Variants in HMGXB3 observed in about 807,000 individuals in gnomAD.
HMGXB3 encodes HMG-box containing 3.
Under a neutral mutation model 121.5 loss-of-function variants are expected in HMGXB3, and 45 were observed. The observed-to-expected ratio is 0.37, with a 90% CI of 0.29 to 0.47. The LOEUF is 0.47. Ranked by LOEUF, HMGXB3 falls within the 20% of genes least tolerant of loss-of-function variation. The pLI is 0.99. For missense variants in HMGXB3, 1,376 were observed against 1,602.2 expected, an observed-to-expected ratio of 0.86 and a Z score of 2.41; for synonymous variants, 590 against 624.1, an observed-to-expected ratio of 0.95 and a Z score of 0.81.
Position 150,026,698 on chromosome 5 carries a change from C to A in HMGXB3, c.1461-8C>A, listed in dbSNP as rs1053720945. Reference sequence around the variant, plus strand: ...GAATTTCCAGATTTCTCTTCTTATTCTTTTCAGAGCTGACCTGCTTACCCC... The same window carrying A: ...GAATTTCCAGATTTCTCTTCTTATTATTTTCAGAGCTGACCTGCTTACCCC... On this transcript the variant is annotated splice_polypyrimidine_tract_variant and splice_region_variant and intron_variant, in intron 7 of 19. Coordinates refer to ENST00000502717, the MANE Select transcript of HMGXB3 (RefSeq NM_014983.3). 2 of 1,544,630 alleles carry A rather than the reference C, an allele frequency of 1.3e-6. No homozygotes were observed. Among genetic ancestry groups the A allele is most frequent in the Admixed American group, 4.1e-5 (2 of 48,728 alleles).
intron 15 of HMGXB3, among the ~76,000 whole-genome samples, chr5:150,044,128 A>C (rs1032949018): frequency 6.6e-6 from 1 of 152,140 alleles, no homozygotes; most frequent in South Asian, 2.1e-4. Context: ...TACTTCTTTC[A>C]TAGAGGTACT....
intron 5 of HMGXB3, among the ~76,000 whole-genome samples, chr5:150,015,993 T>C (rs191901570): frequency 2.5e-4 from 38 of 152,342 alleles, no homozygotes; most frequent in African/African-American, 8.4e-4. Flanking sequence ...AGTTGATTGA[T>C]AACGTTCAAC....
intron 9 of HMGXB3, among the ~76,000 whole-genome samples, chr5:150,029,512 G>A (rs1756323149): frequency 6.6e-6 from 1 of 151,948 alleles, no homozygotes. Flanking sequence ...TCAGTAACAG[G>A]CATATTTTTT....
Position 150,036,948 on chromosome 5 carries a change from C to G in HMGXB3, c.2285+11C>G. On this transcript the variant is annotated intron_variant, in intron 12 of 19. Transcript: ENST00000502717. ...CAAAGGGGGACAAAAGTAAGCACCC[C>G]TTAACTCTGCCCCTAGCTACCCCAT... The G allele has an allele frequency of 6.5e-7, 1 of 1,543,144 alleles. No homozygotes were observed. Among genetic ancestry groups the G allele is most frequent in the Non-Finnish European group, 8.8e-7 (1 of 1,142,450 alleles).
In HMGXB3 at chr5:150,000,939, C is replaced by A. The variant is rs1755545334; in HGVS notation, c.-243C>A. On this transcript the variant is annotated 5_prime_UTR_variant, in exon 1 of 20. Coordinates refer to ENST00000502717, the MANE Select transcript of HMGXB3 (RefSeq NM_014983.3). ...ATATCGCGACTCCGAGGAGGGGAAG[C>A]GAGAGGGGCTGTCGCGACTCCGCGC... 1 of 154,828 alleles carries A rather than the reference C, an allele frequency of 6.5e-6. No homozygotes were observed. The highest frequency in any genetic ancestry group is 2.0e-4 in the South Asian group (1 of 4,920). The allele number at this position is 154,828 out of a possible 1,614,324, so 9.6% of individuals were successfully genotyped here. A position where few individuals can be genotyped will look rare whatever the true frequency, so the allele number is the denominator to read the frequency against.
chr5:150,033,655 G>A (rs1756433154), intron 11 of HMGXB3, among the ~76,000 whole-genome samples: 1 of 152,164 alleles, frequency 6.6e-6, no homozygotes, highest in Admixed American at 6.5e-5. Context: ...TCTTTAGTCA[G>A]TGGGGTCCTA....
At chr5:150,037,205 G>C (rs1164216570) in intron 12 of HMGXB3, among the ~76,000 whole-genome samples, 195 bp from the exon 13 acceptor site, 1 of 152,156 alleles carries the variant, frequency 6.6e-6, no homozygotes. Context: ...ATTGGGATTG[G>C]TTAAATTATG....
intron 1 of HMGXB3, among the ~76,000 whole-genome samples, chr5:150,001,951 G>A (rs146728355): frequency 9.9e-4 from 151 of 152,280 alleles, no homozygotes; most frequent in African/African-American, 3.4e-3. Context: ...CAGTCCCCAC[G>A]TAGCCTTGAT....
intron 13 of HMGXB3, among the ~76,000 whole-genome samples, 185 bp from the exon 14 acceptor site, chr5:150,040,563 A>G (rs1210963334): frequency 2.6e-5 from 4 of 151,844 alleles, no homozygotes; most frequent in African/African-American, 4.8e-5. Context: ...TTTTTTTGAG[A>G]TGGAGTCTCT....
In HMGXB3 at chr5:150,052,140, C is replaced by T. The variant is rs1157417597; in HGVS notation, c.3827C>T (p.Thr1276Ile). 1.9e-6 allele frequency: 3 copies of T among 1,550,850 alleles called. No individual in the cohort carries two copies. Among genetic ancestry groups the T allele is most frequent in the Non-Finnish European group, 2.6e-6 (3 of 1,146,636 alleles). The change falls in exon 20 of 20, where the codon ACA becomes ATA. Residue 1276 changes from threonine (T) to isoleucine (I), a missense_variant. Physicochemically the swap from Thr to Ile is moderately conservative, Grantham distance 89 (BLOSUM62 -1). Transcript: ENST00000502717. ...CGCCTTGGGGTTGCTCAGATCAAGA[C>T]AGAGACAGAGGAGGAGGGTGAGGAA... ...LYRLGVAQIK[T>I]ETEEEGEEEE...
intron 11 of HMGXB3, among the ~76,000 whole-genome samples, chr5:150,033,097 C>G (rs1756419711): frequency 6.6e-6 from 1 of 152,204 alleles, no homozygotes. Context: ...TTGGGCCAAA[C>G]TACTTGGGTA....
At chr5:150,032,876 A>G (rs1283003367) in intron 11 of HMGXB3, among the ~76,000 whole-genome samples, 1 of 152,148 alleles carries the variant, frequency 6.6e-6, no homozygotes, top group Non-Finnish European at 1.5e-5. Context: ...GGCCTTAAGT[A>G]GGAGTGAAAG....
At chr5:150,030,122 G>A (rs1400330115) in intron 9 of HMGXB3, among the ~76,000 whole-genome samples, 7 of 144,412 alleles carry the variant, frequency 4.8e-5, no homozygotes, top group Non-Finnish European at 1.5e-5. Context: ...TTTTAATTTT[G>A]TATGCTTTAT....
chr5:150,041,372 A>G (rs1357371171), intron 14 of HMGXB3, among the ~76,000 whole-genome samples: 1 of 152,216 alleles, frequency 6.6e-6, no homozygotes, highest in East Asian at 1.9e-4. Flanking sequence ...AGTAGAGCCT[A>G]CTAGAGTTAC....
intron 10 of HMGXB3, among the ~76,000 whole-genome samples, chr5:150,032,025 T>C (rs767061872): frequency 5.3e-5 from 8 of 152,068 alleles, no homozygotes; most frequent in Non-Finnish European, 8.8e-5. Context: ...GCTGATTAGA[T>C]AGTAACTTGT....
chr5:150,025,943 G>GTT (rs1756220008), intron 7 of HMGXB3, among the ~76,000 whole-genome samples: 2 of 151,524 alleles, frequency 1.3e-5, no homozygotes. Context: ...CCATTCTCCT[G>GTT]CCTCAGCCTC....
chr5:150,017,011 C>G (rs1395259516), intron 5 of HMGXB3, among the ~76,000 whole-genome samples: 1 of 152,136 alleles, frequency 6.6e-6, no homozygotes, highest in Admixed American at 6.5e-5. Context: ...TAGGAACAGC[C>G]TGCAGCTTTG....
chr5:150,012,527 C>T (rs1755864470), intron 5 of HMGXB3, among the ~76,000 whole-genome samples, 174 bp downstream of exon 5: 1 of 152,138 alleles, frequency 6.6e-6, no homozygotes, highest in South Asian at 2.1e-4. Context: ...ATTATGTGGT[C>T]CATATGTTCT....
Position 150,026,863 on chromosome 5 carries a change from C to A in HMGXB3, c.1618C>A (p.Gln540Lys). 1 of 1,513,250 alleles carries A rather than the reference C, an allele frequency of 6.6e-7. No homozygotes were observed. The highest frequency in any genetic ancestry group is 8.9e-7 in the Non-Finnish European group (1 of 1,128,932). 93.7% of individuals were successfully genotyped at this position (1,513,250 alleles called of 1,614,324 possible). Residue 540 changes from glutamine (Q) to lysine (K), a missense_variant, in exon 8 of 20, where the codon CAG becomes AAG. Gln to Lys is a moderately conservative substitution (Grantham distance 53, BLOSUM62 1). Coordinates refer to ENST00000502717, the MANE Select transcript of HMGXB3 (RefSeq NM_014983.3). ...GSSMGLPRAR[Q>K]AFSLSDKTPS... ...CAGCATGGGACTGCCCAGGGCCAGG[C>A]AGGCCTTTTCCCTGAGTGGTAAGGG...
Sources: gnomAD v4.1 joint callset for allele counts (sites outside exome capture counted in the v4.1 genomes callset) on GRCh38, gnomAD v4.1.1 for gene constraint, MANE v1.5 for transcripts, NCBI Gene and HGNC (gene_info 2026-07-23, HGNC 2026-07-21) for gene names.